The following GALNT14 variants were observed in gnomAD, a reference collection of about 807,000 sequenced individuals.
The protein encoded by GALNT14 is UDP-GalNAc:polypeptide N-acetylgalactosaminyltransferase 14.
In GALNT14, 60 loss-of-function variants were observed where a neutral mutation model predicts 77.5. The ratio of observed to expected loss-of-function variants is 0.77; its 90% confidence interval spans 0.63 to 0.96. The LOEUF is 0.96. GALNT14 is among the 40% of genes least tolerant of loss of function. The probability of loss-of-function intolerance (pLI) is 0.00; values close to 1 mark genes in which losing one functional copy is unlikely to be tolerated. For missense variants in GALNT14, 710 were observed against 731.0 expected (o/e 0.97, Z 0.33); for synonymous variants, 280 against 281.7 (o/e 0.99, Z 0.06).
At chr2:30,966,085 C>T (rs1667986875) in intron 3 of GALNT14, 119 bp downstream of exon 3, 1 of 694,498 alleles carries the variant, frequency 1.4e-6, no homozygotes, top group Non-Finnish European at 2.6e-6. Context: ...AGAATAGTGC[C>T]TGGCACGTAG....
the GALNT14 span, among the ~76,000 whole-genome samples, chr2:30,891,387 G>A: frequency 3.9e-5 from 6 of 152,168 alleles, no homozygotes; most frequent in African/African-American, 1.4e-4. Flanking sequence ...CTTCATAAGG[G>A]TTTACTAACA....
At chr2:31,023,715 G>T (rs750297542) in intron 1 of GALNT14, among the ~76,000 whole-genome samples, 1 of 151,984 alleles carries the variant, frequency 6.6e-6, no homozygotes, top group South Asian at 2.1e-4. Context: ...GGTTGGCACA[G>T]TAGCCTCATC....
chr2:30,892,642 G>A, the GALNT14 span, among the ~76,000 whole-genome samples: 1 of 152,202 alleles, frequency 6.6e-6, no homozygotes, highest in Non-Finnish European at 1.5e-5. Context: ...TAAAAGGCAA[G>A]CATGCCCATC....
chr2:31,051,614 C>G (rs778992407), intron 1 of GALNT14, among the ~76,000 whole-genome samples: 1 of 152,178 alleles, frequency 6.6e-6, no homozygotes, highest in Non-Finnish European at 1.5e-5. Flanking sequence ...GCCTTAAAAT[C>G]AGTCCAGCTC....
At chr2:30,907,480 G>A (rs181439781), downstream of GALNT14, among the ~76,000 whole-genome samples, 144 of 152,238 alleles carry the variant, frequency 9.5e-4, no homozygotes, top group African/African-American at 3.0e-3. Context: ...TAAATTCCTC[G>A]ACACATACAC....
chr2:31,016,973 G>A (rs1175640775), intron 1 of GALNT14, among the ~76,000 whole-genome samples: 3 of 152,128 alleles, frequency 2.0e-5, no homozygotes, highest in Admixed American at 6.5e-5. Context: ...TGGACGAACC[G>A]TACACATTAT....
intron 1 of GALNT14, among the ~76,000 whole-genome samples, chr2:31,111,471 C>T (rs935484840): frequency 1.3e-5 from 2 of 152,242 alleles, no homozygotes; most frequent in African/African-American, 4.8e-5. Flanking sequence ...GGAGGACTAA[C>T]TGCTTATTTA....
intron 1 of GALNT14, among the ~76,000 whole-genome samples, chr2:31,045,175 G>A (rs12617279): frequency 0.28 from 43,051 of 151,960 alleles, 6,739 homozygotes; most frequent in East Asian, 0.44. Context: ...GATCTGGGGC[G>A]TTCAGGAAGA....
At chr2:30,949,489 C>G (rs149890780) in intron 6 of GALNT14, among the ~76,000 whole-genome samples, 1 of 152,120 alleles carries the variant, frequency 6.6e-6, no homozygotes, top group African/African-American at 2.4e-5. Flanking sequence ...GCTGGTGGAA[C>G]CCTTGCAGAT....
Position 31,063,604 on chromosome 2 carries a change from A to G in GALNT14, c.130-70597T>C, listed in dbSNP as rs143070139. Among the ~76,000 whole-genome samples the G allele has an allele frequency of 5.9e-3, 895 of 152,308 alleles. 9 individuals carry two copies. The highest frequency in any genetic ancestry group is 0.021 in the African/African-American group (869 of 41,574). ...TTTTCTAATTCTGTGAAGAAAATCA[A>G]TAGTAGCTTGATGGGAATTGCATTG... is the stretch of plus-strand genomic sequence containing the variant. On this transcript the variant is annotated intron_variant, in intron 1 of 14. Coordinates refer to ENST00000349752, the MANE Select transcript of GALNT14 (RefSeq NM_024572.4).
At chr2:31,010,211 C>G (rs1440615307) in intron 1 of GALNT14, among the ~76,000 whole-genome samples, 1 of 152,176 alleles carries the variant, frequency 6.6e-6, no homozygotes, top group African/African-American at 2.4e-5. Context: ...TGGTCTCAAA[C>G]TCCTGACTTC....
intron 1 of GALNT14, among the ~76,000 whole-genome samples, chr2:31,022,294 C>G (rs955769355): frequency 6.6e-6 from 1 of 152,224 alleles, no homozygotes; most frequent in Admixed American, 6.5e-5. Context: ...CTGTCACACC[C>G]CAAATATGGG....
At chr2:31,115,714 A>C (rs1046281564) in intron 1 of GALNT14, among the ~76,000 whole-genome samples, 14 of 152,204 alleles carry the variant, frequency 9.2e-5, no homozygotes, top group Non-Finnish European at 2.1e-4. Flanking sequence ...CCATCTGCCC[A>C]CAGGGTATGC....
chr2:31,078,548 T>C (rs1675953985), intron 1 of GALNT14, among the ~76,000 whole-genome samples: 1 of 152,128 alleles, frequency 6.6e-6, no homozygotes, highest in Non-Finnish European at 1.5e-5. Flanking sequence ...CTAGGTAGAT[T>C]TGGCCTTCTA....
chr2:30,978,965 C>G (rs746360793), intron 2 of GALNT14, among the ~76,000 whole-genome samples: 22 of 152,198 alleles, frequency 1.4e-4, no homozygotes, highest in Non-Finnish European at 2.9e-4. Context: ...ACCCTCCACC[C>G]AGACTCCCAA....
chr2:31,124,053 T>C (rs144166072), intron 1 of GALNT14, among the ~76,000 whole-genome samples: 13 of 152,062 alleles, frequency 8.5e-5, no homozygotes, highest in Non-Finnish European at 1.2e-4. Context: ...TCACCCCCGC[T>C]TCCTACACAG....
intron 1 of GALNT14, among the ~76,000 whole-genome samples, chr2:31,108,114 G>A (rs1230677002): frequency 6.6e-6 from 1 of 152,140 alleles, no homozygotes; most frequent in Admixed American, 6.5e-5. Flanking sequence ...GCCTGGCTGT[G>A]AGCAAACATA....
rs552417328 is a variant in GALNT14 at position 30,926,262 on chromosome 2, A to G, written c.1152-1439T>C. Among the ~76,000 whole-genome samples the G allele has an allele frequency of 3.8e-4, 58 of 152,326 alleles. No individual in the cohort carries two copies. The South Asian group carries it at 8.7e-3, about 23-fold the overall frequency. ...GACTTGGTGATCATTTGGATGGGAA[A>G]GAGAAGGGGAGGGATTCAAGGATGG... On this transcript the variant is annotated intron_variant, in intron 11 of 14. Transcript: ENST00000349752.
chr2:30,914,142 AGATT>A (rs970029033), intron 13 of GALNT14, among the ~76,000 whole-genome samples: 3 of 152,218 alleles, frequency 2.0e-5, no homozygotes, highest in South Asian at 2.1e-4. Context: ...AACTTTACAC[AGATT>A]GATTAATTTT....
Sources: allele counts gnomAD v4.1 joint callset (sites outside exome capture counted in the v4.1 genomes callset), GRCh38; gene constraint gnomAD v4.1.1; transcripts MANE v1.5; gene names NCBI Gene and HGNC (gene_info 2026-07-23, HGNC 2026-07-21).